Variants in LHFPL6 observed in about 807,000 individuals in gnomAD.
LHFPL6 encodes the protein LHFPL tetraspan subfamily member 6 protein.
Under a neutral mutation model 20.6 loss-of-function variants are expected in LHFPL6, and 9 were observed. That is an observed-to-expected ratio of 0.44 (90% CI 0.26 to 0.76). The LOEUF (loss-of-function observed/expected upper bound fraction) is 0.76. Among genes scored for constraint, LHFPL6 ranks in the 30% least tolerant of loss-of-function variants. The pLI is 0.20. For synonymous variants in LHFPL6, 105 were observed against 98.7 expected (o/e 1.06, Z -0.38); for missense variants, 218 against 253.5 (o/e 0.86, Z 0.95).
At chr13:39,344,727 A>T (rs1869343064) in intron 3 of LHFPL6, among the ~76,000 whole-genome samples, 1 of 152,248 alleles carries the variant, frequency 6.6e-6, no homozygotes, top group South Asian at 2.1e-4. Context: ...ATATGTAAGT[A>T]GATTTATTTA....
chr13:39,555,916 A>G (rs551523557), intron 2 of LHFPL6, among the ~76,000 whole-genome samples: 4 of 152,234 alleles, frequency 2.6e-5, no homozygotes, highest in Admixed American at 2.0e-4. Flanking sequence ...ATGGCTTAGT[A>G]CCATCCCCTT....
At chr13:39,369,600 TCCCTCTC>T (rs771931312) in intron 3 of LHFPL6, among the ~76,000 whole-genome samples, 14 of 32,138 alleles carry the variant, frequency 4.4e-4, no homozygotes, top group Admixed American at 7.4e-4. Flanking sequence ...CCTTCCTTCC[TCCCTCTC>T]TCCCTCCCTT....
At chr13:39,563,587 T>C (rs538872287) in intron 2 of LHFPL6, among the ~76,000 whole-genome samples, 1 of 152,322 alleles carries the variant, frequency 6.6e-6, no homozygotes, top group East Asian at 1.9e-4. Flanking sequence ...AATCATTGCA[T>C]ATTTTAACGC....
intron 2 of LHFPL6, among the ~76,000 whole-genome samples, chr13:39,420,398 A>C (rs1593306292): frequency 6.6e-6 from 1 of 152,348 alleles, no homozygotes; most frequent in East Asian, 1.9e-4. Flanking sequence ...AGAAATAGTA[A>C]GACAAGCACT....
intron 2 of LHFPL6, among the ~76,000 whole-genome samples, chr13:39,542,290 A>G (rs1044978898): frequency 2.0e-5 from 3 of 151,966 alleles, no homozygotes; most frequent in Non-Finnish European, 2.9e-5. Context: ...TGAGCTGTGG[A>G]AAAAAATTGT....
intron 2 of LHFPL6, among the ~76,000 whole-genome samples, chr13:39,479,726 A>G (rs773483722): frequency 6.6e-6 from 1 of 152,202 alleles, no homozygotes; most frequent in Admixed American, 6.5e-5. Context: ...ACAGACTAGA[A>G]AGGGAGCTAG....
chr13:39,488,646 T>C (rs1405201049), intron 2 of LHFPL6, among the ~76,000 whole-genome samples: 14 of 152,230 alleles, frequency 9.2e-5, no homozygotes, highest in Admixed American at 9.2e-4. Context: ...AATTGGATCA[T>C]GTAATGCATA....
At chr13:39,360,241 G>A (rs1226514798) in intron 3 of LHFPL6, among the ~76,000 whole-genome samples, 1 of 97,242 alleles carries the variant, frequency 1.0e-5, no homozygotes, top group African/African-American at 3.0e-5. Flanking sequence ...GGATGGTCTC[G>A]ATCTCCTGAC....
chr13:39,458,391 T>C (rs540604260), intron 2 of LHFPL6, among the ~76,000 whole-genome samples: 70 of 151,968 alleles, frequency 4.6e-4, no homozygotes, highest in African/African-American at 1.6e-3. Context: ...TGAGAAAGAA[T>C]GTTGAGGTCA....
intron 2 of LHFPL6, among the ~76,000 whole-genome samples, chr13:39,402,550 A>T (rs958076245): frequency 3.3e-5 from 5 of 152,180 alleles, no homozygotes; most frequent in Admixed American, 6.5e-5. Flanking sequence ...TTTTAAATAT[A>T]GAAATATAGC....
At position 39,555,121 on chromosome 13, in the gene LHFPL6, T is replaced by C. The variant is rs550528153; in HGVS notation, c.385+45711A>G. ...TGGCTCCTTCAAAATTCTAACAATA[T>C]TACAATACAGCATCAGCTACTTCAC... On this transcript the variant is annotated intron_variant, in intron 2 of 3. Transcript: ENST00000379589. 4.6e-5 allele frequency among the ~76,000 whole-genome samples: 7 copies of C among 152,306 alleles called. No homozygotes were observed. In the East Asian group the frequency reaches 9.7e-4, roughly 21 times the overall value.
At chr13:39,355,549 T>A (rs1405438276) in intron 3 of LHFPL6, among the ~76,000 whole-genome samples, 2 of 152,214 alleles carry the variant, frequency 1.3e-5, no homozygotes, top group African/African-American at 4.8e-5. Flanking sequence ...AAACCTTGAA[T>A]GTAAATGGTA....
intron 2 of LHFPL6, among the ~76,000 whole-genome samples, chr13:39,430,174 C>G (rs935480560): frequency 6.6e-6 from 1 of 152,196 alleles, no homozygotes; most frequent in African/African-American, 2.4e-5. Flanking sequence ...TAGGACTGAA[C>G]CACTCATTAC....
intron 2 of LHFPL6, among the ~76,000 whole-genome samples, chr13:39,554,736 C>A (rs9576853): frequency 0.096 from 14,607 of 152,232 alleles, 852 homozygotes; most frequent in East Asian, 0.29. Flanking sequence ...TGTGTCCCCC[C>A]AGCCATTCAC....
chr13:39,412,662 C>T (rs1053266443), intron 2 of LHFPL6, among the ~76,000 whole-genome samples: 3 of 152,294 alleles, frequency 2.0e-5, no homozygotes, highest in East Asian at 1.9e-4. Flanking sequence ...CAGTGGCTCA[C>T]GCCTGTAATC....
intron 2 of LHFPL6, among the ~76,000 whole-genome samples, chr13:39,575,676 C>G (rs1228289304): frequency 6.6e-6 from 1 of 152,102 alleles, no homozygotes; most frequent in Non-Finnish European, 1.5e-5. Context: ...ATTTGCCGGT[C>G]AAAAAGTTCA....
chr13:39,557,403 T>C (rs999362525), intron 2 of LHFPL6, among the ~76,000 whole-genome samples: 1 of 152,190 alleles, frequency 6.6e-6, no homozygotes, highest in African/African-American at 2.4e-5. Flanking sequence ...TCAGAGGATG[T>C]ATGGGAAAGC....
At chr13:39,509,563 T>C (rs550053102) in intron 2 of LHFPL6, among the ~76,000 whole-genome samples, 1 of 152,198 alleles carries the variant, frequency 6.6e-6, no homozygotes, top group Non-Finnish European at 1.5e-5. Flanking sequence ...TTTATATTTC[T>C]TTTAAAAAAT....
chr13:39,602,456 C>G (rs1047931924), intron 1 of LHFPL6, among the ~76,000 whole-genome samples: 1 of 152,144 alleles, frequency 6.6e-6, no homozygotes, highest in Non-Finnish European at 1.5e-5. Context: ...GCAGTCAGGG[C>G]TGAAGTTGAT....
Sources: gnomAD v4.1 joint callset for allele counts (sites outside exome capture counted in the v4.1 genomes callset) on GRCh38, gnomAD v4.1.1 for gene constraint, MANE v1.5 for transcripts, NCBI Gene and HGNC (gene_info 2026-07-23, HGNC 2026-07-21) for gene names.